Variants in AK5 observed in about 807,000 individuals in gnomAD.
AK5 encodes the protein adenylate kinase isoenzyme 5.
Under a neutral mutation model 69.5 loss-of-function variants are expected in AK5, and 27 were observed. The observed-to-expected ratio is 0.39, with a 90% CI of 0.29 to 0.54. AK5 has a LOEUF of 0.54. AK5 is among the 20% of genes least tolerant of loss of function. AK5 has a pLI of 0.71. For synonymous variants in AK5, 260 were observed against 244.4 expected (o/e 1.06, Z -0.60); for missense variants, 531 against 700.4 (o/e 0.76, Z 2.73).
Position 77,554,237 on chromosome 1 carries a change from C to T in AK5, c.1621-4365C>T, listed in dbSNP as rs75816306. Among the ~76,000 whole-genome samples, 370 of 152,304 alleles carry T rather than the reference C, an allele frequency of 2.4e-3. 14 individuals are homozygous for T. In the East Asian group the frequency reaches 0.058, roughly 24 times the overall value. On this transcript the variant is annotated intron_variant, in intron 13 of 13. Transcript: ENST00000354567. ...GTTCACTGAAAAATCTATGTGCTTT[C>T]AGATCTCTACACCTTTGCCACCTTT...
chr1:77,292,474 G>C (rs1271111996), intron 2 of AK5, among the ~76,000 whole-genome samples: 1 of 152,214 alleles, frequency 6.6e-6, no homozygotes, highest in Non-Finnish European at 1.5e-5. Context: ...CTAAGATACA[G>C]TAGTCATCTT....
At chr1:77,510,352 G>A (rs995065622) in intron 10 of AK5, among the ~76,000 whole-genome samples, 7 of 152,190 alleles carry the variant, frequency 4.6e-5, no homozygotes, top group African/African-American at 1.7e-4. Flanking sequence ...AGAGTCAAAG[G>A]TATCAAAGAC....
intron 10 of AK5, among the ~76,000 whole-genome samples, chr1:77,488,512 G>A (rs1040909084): frequency 2.3e-4 from 35 of 152,120 alleles, no homozygotes; most frequent in African/African-American, 8.2e-4. Flanking sequence ...ATTAGTCAGC[G>A]TTCTCTAGAG....
At chr1:77,555,111 T>C (rs1409051496) in intron 13 of AK5, among the ~76,000 whole-genome samples, 1 of 151,832 alleles carries the variant, frequency 6.6e-6, no homozygotes, top group African/African-American at 2.4e-5. Context: ...TGAAACCCCA[T>C]CTCTACTAAA....
At chr1:77,324,760 C>T (rs561962198) in intron 5 of AK5, among the ~76,000 whole-genome samples, 1 of 151,318 alleles carries the variant, frequency 6.6e-6, no homozygotes, top group South Asian at 2.1e-4. Flanking sequence ...GGGCATGAGG[C>T]GAGATGGGGA....
chr1:77,286,036 T>G lies in AK5; in HGVS notation c.61-905T>G, dbSNP rs377356517. Among the ~76,000 whole-genome samples, 4 of 152,310 alleles carry G rather than the reference T, an allele frequency of 2.6e-5. No individual in the cohort carries two copies. The East Asian group carries it at 5.8e-4, about 22-fold the overall frequency. Reference sequence around the variant, plus strand: ...AAATGACAAGTATGATGTTTTATGCTGGATACCATGGGAACACAGAAGAAG... The same window carrying G: ...AAATGACAAGTATGATGTTTTATGCGGGATACCATGGGAACACAGAAGAAG... On this transcript the variant is annotated intron_variant, in intron 1 of 13. Transcript: ENST00000354567.
At chr1:77,542,388 C>CA (rs1487240188) in intron 13 of AK5, among the ~76,000 whole-genome samples, 1 of 152,126 alleles carries the variant, frequency 6.6e-6, no homozygotes, top group Non-Finnish European at 1.5e-5. Context: ...GTGGATAAAA[C>CA]AAAACAGAAT....
intron 5 of AK5, among the ~76,000 whole-genome samples, chr1:77,321,902 T>C (rs1660554090): frequency 1.3e-5 from 2 of 152,152 alleles, no homozygotes; most frequent in African/African-American, 2.4e-5. Context: ...ATCTACAAAA[T>C]GTGTACCAAA....
chr1:77,406,230 C>G (rs1042368524), intron 6 of AK5, among the ~76,000 whole-genome samples: 1 of 152,072 alleles, frequency 6.6e-6, no homozygotes, highest in Admixed American at 6.6e-5. Context: ...TTTCAAGACA[C>G]TGGACATCAA....
intron 5 of AK5, among the ~76,000 whole-genome samples, chr1:77,327,353 T>C (rs1660856044): frequency 6.8e-6 from 1 of 146,238 alleles, no homozygotes; most frequent in Non-Finnish European, 1.5e-5. Context: ...ATTGTGCCAC[T>C]GCATTCCAGC....
intron 6 of AK5, among the ~76,000 whole-genome samples, chr1:77,404,341 A>T (rs184962059): frequency 6.6e-6 from 1 of 152,124 alleles, no homozygotes; most frequent in Non-Finnish European, 1.5e-5. Context: ...AAGTGTGACA[A>T]CCAAAAATGT....
At chr1:77,495,188 T>C (rs759444002) in intron 10 of AK5, among the ~76,000 whole-genome samples, 1 of 152,160 alleles carries the variant, frequency 6.6e-6, no homozygotes, top group Non-Finnish European at 1.5e-5. Context: ...AAAGGTTAAA[T>C]AACTTTCCCA....
At chr1:77,429,067 T>C (rs1281324238) in intron 8 of AK5, among the ~76,000 whole-genome samples, 3 of 152,220 alleles carry the variant, frequency 2.0e-5, no homozygotes, top group South Asian at 2.1e-4. Flanking sequence ...CATATGTGTG[T>C]GTGTGTGTCT....
intron 6 of AK5, among the ~76,000 whole-genome samples, chr1:77,354,614 G>T (rs1314807630): frequency 6.6e-6 from 1 of 152,208 alleles, no homozygotes; most frequent in East Asian, 1.9e-4. Flanking sequence ...AGCTGAGAGT[G>T]AACAAGAACC....
chr1:77,328,194 G>C (rs1343926363), intron 5 of AK5, among the ~76,000 whole-genome samples: 4 of 152,066 alleles, frequency 2.6e-5, no homozygotes, highest in African/African-American at 7.2e-5. Context: ...TGTCAACCTG[G>C]TATATACTAT....
chr1:77,360,136 G>A (rs986712718), intron 6 of AK5, among the ~76,000 whole-genome samples: 10 of 152,166 alleles, frequency 6.6e-5, no homozygotes, highest in Admixed American at 3.3e-4. Flanking sequence ...CGGTAAGTAT[G>A]CATTACCATT....
At chr1:77,335,844 G>T (rs1661327067) in intron 5 of AK5, among the ~76,000 whole-genome samples, 1 of 152,110 alleles carries the variant, frequency 6.6e-6, no homozygotes, top group South Asian at 2.1e-4. Flanking sequence ...ACTTCTCACA[G>T]TTCTGGAGGC....
intron 6 of AK5, among the ~76,000 whole-genome samples, chr1:77,379,208 C>T (rs896578290): frequency 1.3e-5 from 2 of 152,146 alleles, no homozygotes; most frequent in African/African-American, 2.4e-5. Context: ...AGAAAGCTTC[C>T]GATGGCTGTC....
At chr1:77,451,731 C>T (rs781711212) in intron 8 of AK5, among the ~76,000 whole-genome samples, 32 of 152,220 alleles carry the variant, frequency 2.1e-4, no homozygotes, top group Admixed American at 1.0e-3. Flanking sequence ...TTCTCTTCCT[C>T]TCAACCATGC....
Sources: gnomAD v4.1 joint callset for allele counts (sites outside exome capture counted in the v4.1 genomes callset) on GRCh38, gnomAD v4.1.1 for gene constraint, MANE v1.5 for transcripts, NCBI Gene and HGNC (gene_info 2026-07-23, HGNC 2026-07-21) for gene names.